NBAS: variants seen among roughly 807,000 people sequenced by gnomAD.
The protein encoded by NBAS is NBAS subunit of NRZ tethering complex.
A neutral mutation model predicts 302.5 loss-of-function variants in NBAS; 219 were observed. The observed-to-expected ratio is 0.72, with a 90% CI of 0.65 to 0.81. The LOEUF (loss-of-function observed/expected upper bound fraction) is 0.81. Ranked by LOEUF, NBAS falls within the 30% of genes least tolerant of loss-of-function variation. The probability of loss-of-function intolerance (pLI) is 0.00; values close to 1 mark genes in which losing one functional copy is unlikely to be tolerated. For missense variants in NBAS, 2,932 were observed against 2,841.6 expected, an observed-to-expected ratio of 1.03 and a Z score of -0.72; for synonymous variants, 1,118 against 1,021.6, an observed-to-expected ratio of 1.09 and a Z score of -1.80.
intron 21 of NBAS, among the ~76,000 whole-genome samples, chr2:15,441,461 G>A: frequency 6.6e-6 from 1 of 151,750 alleles, no homozygotes; most frequent in African/African-American, 2.4e-5. Flanking sequence ...AATGCTGAGA[G>A]ATTTTGTCAC....
chr2:14,810,969 T>C, the NBAS span, among the ~76,000 whole-genome samples: 2,672 of 152,266 alleles, frequency 0.018, 41 homozygotes, highest in Admixed American at 0.027. Flanking sequence ...AGTGCCTGAT[T>C]TCAGATCAGA....
intron 9 of NBAS, among the ~76,000 whole-genome samples, chr2:15,518,166 C>T (rs1421782077): frequency 2.0e-5 from 3 of 149,266 alleles, no homozygotes; most frequent in East Asian, 1.9e-4. Flanking sequence ...GGCTTTAACA[C>T]GTTGCATCAA....
chr2:15,416,207 T>G (rs1676927312), intron 24 of NBAS, among the ~76,000 whole-genome samples: 1 of 151,430 alleles, frequency 6.6e-6, no homozygotes, highest in South Asian at 2.1e-4. Flanking sequence ...TAAGCACAGG[T>G]TCTAAAATAG....
the NBAS span, among the ~76,000 whole-genome samples, chr2:14,955,714 G>C: frequency 6.6e-6 from 1 of 152,188 alleles, no homozygotes; most frequent in Non-Finnish European, 1.5e-5. Flanking sequence ...CTGTACCTTG[G>C]CTCCTTTTAG....
In NBAS at chr2:15,474,250, A is replaced by G; in HGVS notation, c.1416T>C (p.Asp472=). 1 of 1,614,062 alleles carries G rather than the reference A, an allele frequency of 6.2e-7. No homozygotes were observed. The highest frequency in any genetic ancestry group is 1.3e-5 in the African/African-American group (1 of 75,052). ...RAGEEDEGEE[D]SDSDYEISAK... ...CAGATATTTCATAATCAGAATCAGA[A>G]TCCTCTTCTCCTTCATCTTCTTCTC... The change falls in exon 15 of 52, where the codon GAT becomes GAC. Residue 472 remains aspartate, a synonymous_variant. Coordinates refer to ENST00000281513, the MANE Select transcript of NBAS (RefSeq NM_015909.4).
At chr2:15,034,027 GA>G in the NBAS span, among the ~76,000 whole-genome samples, 8 of 63,808 alleles carry the variant, frequency 1.3e-4, no homozygotes, top group South Asian at 5.1e-4. Context: ...AGAAGAAGAA[GA>G]GGAGGAGGAA....
intron 35 of NBAS, among the ~76,000 whole-genome samples, chr2:15,345,974 C>A (rs1224384648): frequency 6.6e-6 from 1 of 152,060 alleles, no homozygotes; most frequent in Non-Finnish European, 1.5e-5. Flanking sequence ...TGAAACTGAA[C>A]CCCTTCCTTA....
the NBAS span, among the ~76,000 whole-genome samples, chr2:14,912,703 TAAAA>T: frequency 1.3e-5 from 1 of 78,552 alleles, no homozygotes; most frequent in Non-Finnish European, 2.9e-5. Flanking sequence ...CATTCATTTT[TAAAA>T]AAAAAAAAAA....
At chr2:15,191,380 A>C (rs994752161) in intron 48 of NBAS, among the ~76,000 whole-genome samples, 9 of 152,226 alleles carry the variant, frequency 5.9e-5, no homozygotes, top group African/African-American at 2.2e-4. Context: ...TGCATTTTAC[A>C]AAAGTTGCTA....
the NBAS span, among the ~76,000 whole-genome samples, chr2:15,051,089 A>C: frequency 6.6e-6 from 1 of 152,182 alleles, no homozygotes; most frequent in African/African-American, 2.4e-5. Flanking sequence ...ATGGGGTCTC[A>C]ATAAATATTT....
At chr2:15,206,427 A>G (rs970123261) in intron 48 of NBAS, among the ~76,000 whole-genome samples, 11 of 147,530 alleles carry the variant, frequency 7.5e-5, no homozygotes, top group African/African-American at 2.5e-4. Context: ...CATGTGGTAG[A>G]AAAAAAAAAA....
At chr2:14,958,877 G>A in the NBAS span, among the ~76,000 whole-genome samples, 2 of 152,110 alleles carry the variant, frequency 1.3e-5, no homozygotes, top group East Asian at 1.9e-4. Flanking sequence ...GGAGGATCTA[G>A]GGCATTAGAA....
intron 31 of NBAS, among the ~76,000 whole-genome samples, chr2:15,374,203 GA>G (rs1218068724): frequency 1.3e-5 from 2 of 152,004 alleles, no homozygotes; most frequent in East Asian, 3.9e-4. Context: ...AGCATAAAAA[GA>G]AAAAAACTAT....
chr2:15,478,041 A>ATGCTGCATACATACCCTAG (rs1553321987), intron 13 of NBAS, among the ~76,000 whole-genome samples, 185 bp downstream of exon 13: 1 of 28,946 alleles, frequency 3.5e-5, no homozygotes. Context: ...CAGGAGAGCC[A>ATGCTGCATACATACCCTAG]GCTTTTAGGA....
intron 35 of NBAS, among the ~76,000 whole-genome samples, chr2:15,345,560 C>T (rs1043680111): frequency 3.3e-5 from 5 of 152,058 alleles, no homozygotes; most frequent in Non-Finnish European, 5.9e-5. Flanking sequence ...ATCAATGTAT[C>T]GTGAAAGTGG....
chr2:15,099,531 A>G, the NBAS span, among the ~76,000 whole-genome samples: 1 of 152,088 alleles, frequency 6.6e-6, no homozygotes, highest in Non-Finnish European at 1.5e-5. Flanking sequence ...CAATCCTATG[A>G]TGCCAAGAGA....
chr2:15,263,973 C>T (rs967433938), intron 44 of NBAS, among the ~76,000 whole-genome samples: 1 of 152,224 alleles, frequency 6.6e-6, no homozygotes, highest in African/African-American at 2.4e-5. Flanking sequence ...AGTTTCTTCA[C>T]TGCACAGGCT....
At chr2:14,831,841 A>T in the NBAS span, among the ~76,000 whole-genome samples, 1 of 152,166 alleles carries the variant, frequency 6.6e-6, no homozygotes, top group African/African-American at 2.4e-5. Context: ...ATAATAATTC[A>T]TATCTGTGCT....
the NBAS span, among the ~76,000 whole-genome samples, chr2:15,149,380 A>G: frequency 6.6e-6 from 1 of 152,174 alleles, no homozygotes; most frequent in Non-Finnish European, 1.5e-5. Flanking sequence ...AAATTACCCA[A>G]TCTCAGGTAT....
Sources: gnomAD v4.1 joint callset for allele counts (sites outside exome capture counted in the v4.1 genomes callset) on GRCh38, gnomAD v4.1.1 for gene constraint, MANE v1.5 for transcripts, NCBI Gene and HGNC (gene_info 2026-07-23, HGNC 2026-07-21) for gene names.